HBS1L: variants seen among roughly 807,000 people sequenced by gnomAD.
HBS1L encodes the protein HBS1-like protein.
HBS1L carries 55 observed loss-of-function variants against 88.9 expected under a neutral mutation model. The ratio of observed to expected loss-of-function variants is 0.62; its 90% CI spans 0.50 to 0.77. HBS1L has a LOEUF of 0.77. Among genes scored for constraint, HBS1L ranks in the 30% least tolerant of loss-of-function variants. HBS1L has a pLI of 0.00. For missense variants in HBS1L, 741 were observed against 829.3 expected (o/e 0.89, Z 1.31); for synonymous variants, 267 against 288.5 (o/e 0.93, Z 0.76).
intron 4 of HBS1L, among the ~76,000 whole-genome samples, chr6:135,034,037 T>C (rs1776461012): frequency 2.6e-5 from 4 of 152,232 alleles, no homozygotes; most frequent in South Asian, 4.1e-4. Context: ...TCACAAAATA[T>C]AGCTTGTGAT....
chr6:134,985,481 T>C (rs1441913147), intron 11 of HBS1L, 72 bp from the exon 12 acceptor site: 2 of 859,834 alleles, frequency 2.3e-6, no homozygotes, highest in Non-Finnish European at 3.7e-6. Flanking sequence ...AATAAACTCA[T>C]TATAATCCCA....
chr6:135,009,642 T>TC (rs1775716009), intron 4 of HBS1L, among the ~76,000 whole-genome samples: 1 of 149,878 alleles, frequency 6.7e-6, no homozygotes, highest in African/African-American at 2.4e-5. Flanking sequence ...TTACATATTC[T>TC]TTTTTTTTTG....
At chr6:134,968,251 T>G (rs1219886657) in intron 16 of HBS1L, among the ~76,000 whole-genome samples, 1 of 152,138 alleles carries the variant, frequency 6.6e-6, no homozygotes, top group East Asian at 1.9e-4. Context: ...AATCTTTTTT[T>G]TTTTTTCTTT....
rs1016275550 is a variant in HBS1L, at chr6:134,979,209, T to C, written c.1657A>G (p.Thr553Ala). ...TTGATGATATCCATCCCAACCAAAG[T>C]AAGACTAACATGATCGCCTGCTGCC... Reference protein sequence around the residue: ...WAAAGDHVSLTLVGMDIIKIN... With the variant: ...WAAAGDHVSLALVGMDIIKIN... Residue 553 changes from threonine (T) to alanine (A), a missense_variant, in exon 14 of 18, where the codon ACT becomes GCT. Thr to Ala is a moderately conservative substitution (Grantham distance 58). Transcript: ENST00000367837. 3 of 1,611,996 alleles carry C rather than the reference T, an allele frequency of 1.9e-6. No homozygotes were observed. The highest frequency in any genetic ancestry group is 1.6e-4 in the Middle Eastern group (1 of 6,072).
chr6:134,973,964 C>T (rs979161169), intron 15 of HBS1L, among the ~76,000 whole-genome samples: 3 of 151,584 alleles, frequency 2.0e-5, no homozygotes, highest in Non-Finnish European at 4.4e-5. Context: ...TAATAAAAAT[C>T]AAATATAAAT....
chr6:135,023,427 G>A (rs1776132721), intron 4 of HBS1L, among the ~76,000 whole-genome samples: 1 of 149,752 alleles, frequency 6.7e-6, no homozygotes, highest in South Asian at 2.2e-4. Flanking sequence ...CTGGGCAACA[G>A]AGCGAGACTC....
intron 8 of HBS1L, 41 bp downstream of exon 8, chr6:134,993,717 A>C (rs1775209887): frequency 1.2e-6 from 1 of 838,304 alleles, no homozygotes; most frequent in Non-Finnish European, 1.8e-6. Flanking sequence ...ATTTTATGTA[A>C]AGTACAATCA....
At position 135,050,521 on chromosome 6, in the gene HBS1L, G is replaced by A. The variant is rs1258098996; in HGVS notation, c.109+61C>T. 9.1e-6 allele frequency: 10 copies of A among 1,096,994 alleles called. No individual in the cohort carries two copies. The East Asian group carries it at 1.0e-4, about 11-fold the overall frequency. 68.0% of individuals were successfully genotyped at this position (1,096,994 alleles called of 1,614,324 possible). On this transcript the variant is annotated intron_variant, in intron 2 of 17. Coordinates refer to ENST00000367837, the MANE Select transcript of HBS1L (RefSeq NM_006620.4). Reference sequence around the variant, plus strand: ...TCACAGAACACTCCAGTCCTTGAACGACTAACATTTACATTTTTAAACACC... The same window carrying A: ...TCACAGAACACTCCAGTCCTTGAACAACTAACATTTACATTTTTAAACACC...
At chr6:134,997,353 T>C in intron 6 of HBS1L, 44 bp downstream of exon 6, 1 of 1,610,498 alleles carries the variant, frequency 6.2e-7, no homozygotes, top group Non-Finnish European at 8.5e-7. Flanking sequence ...GTGGGCAGGC[T>C]AAGGCATGGC....
At chr6:135,037,076 T>A (rs1005412947) in intron 4 of HBS1L, 1 of 1,551,594 alleles carries the variant, frequency 6.4e-7, no homozygotes, top group Non-Finnish European at 8.7e-7. Flanking sequence ...ACATCAATTG[T>A]TTCTGCAATC....
chr6:134,994,148 T>C (rs1294150138), intron 7 of HBS1L, among the ~76,000 whole-genome samples: 1 of 152,028 alleles, frequency 6.6e-6, no homozygotes. Context: ...TTGTAAGAAA[T>C]AGTGTAAATT....
intron 15 of HBS1L, among the ~76,000 whole-genome samples, chr6:134,973,158 C>G (rs1774540102): frequency 6.6e-6 from 1 of 152,176 alleles, no homozygotes. Flanking sequence ...TTCACAGCAG[C>G]ATTATTTGTA....
chr6:134,980,143 T>C (rs2114770276), intron 13 of HBS1L, among the ~76,000 whole-genome samples: 1 of 152,162 alleles, frequency 6.6e-6, no homozygotes, highest in African/African-American at 2.4e-5. Flanking sequence ...CCAACCACTG[T>C]GGATAGTTCT....
At chr6:134,965,326 AT>A in intron 17 of HBS1L, 36 bp from the exon 18 acceptor site, 1 of 1,361,682 alleles carries the variant, frequency 7.3e-7, no homozygotes. Context: ...ATTTGCTGTA[AT>A]TTAATCAATC....
At chr6:134,985,800 T>C (rs903937980) in intron 11 of HBS1L, among the ~76,000 whole-genome samples, 1 of 152,154 alleles carries the variant, frequency 6.6e-6, no homozygotes, top group African/African-American at 2.4e-5. Context: ...CAAGTAATAG[T>C]TGCAGCTTAT....
intron 8 of HBS1L, among the ~76,000 whole-genome samples, chr6:134,990,810 C>T (rs1050734929): frequency 4.6e-5 from 7 of 152,168 alleles, no homozygotes; most frequent in Non-Finnish European, 7.3e-5. Flanking sequence ...CCTCAGCCTC[C>T]CAAAGTGCTG....
intron 4 of HBS1L, among the ~76,000 whole-genome samples, chr6:135,003,880 A>G (rs1583099982): frequency 6.6e-6 from 1 of 152,016 alleles, no homozygotes; most frequent in Non-Finnish European, 1.5e-5. Context: ...ATAAATGAAT[A>G]AATAAATAAA....
chr6:134,965,664 A>C (rs935186970), intron 17 of HBS1L, among the ~76,000 whole-genome samples: 1 of 152,214 alleles, frequency 6.6e-6, no homozygotes, highest in South Asian at 2.1e-4. Flanking sequence ...CTATTTTTAC[A>C]CTGAAGGAGG....
chr6:135,049,035 G>A (rs1011555310), intron 2 of HBS1L, among the ~76,000 whole-genome samples: 1 of 152,146 alleles, frequency 6.6e-6, no homozygotes, highest in African/African-American at 2.4e-5. Flanking sequence ...GATGAAAGCA[G>A]GTACAGTTTA....
Sources: allele counts gnomAD v4.1 joint callset (sites outside exome capture counted in the v4.1 genomes callset), GRCh38; gene constraint gnomAD v4.1.1; transcripts MANE v1.5; gene names NCBI Gene and HGNC (gene_info 2026-07-23, HGNC 2026-07-21).